Variants in KIRREL3 observed in about 807,000 individuals in gnomAD.
KIRREL3 encodes the protein kin of IRRE-like protein 3.
KIRREL3 carries 36 observed loss-of-function variants against 89.7 expected under a neutral mutation model. That is an observed-to-expected ratio of 0.40 (90% CI 0.31 to 0.53). The LOEUF (loss-of-function observed/expected upper bound fraction) is 0.53, where lower values mean the gene tolerates loss of function less well. Ranked by LOEUF, KIRREL3 falls within the 20% of genes least tolerant of loss-of-function variation. KIRREL3 has a pLI of 0.49. For missense variants in KIRREL3, 864 were observed against 1,056.6 expected (o/e 0.82, Z 2.53); for synonymous variants, 445 against 441.4 (o/e 1.01, Z -0.10).
At chr11:126,461,043 G>A (rs1956523339) in intron 6 of KIRREL3, among the ~76,000 whole-genome samples, 1 of 152,198 alleles carries the variant, frequency 6.6e-6, no homozygotes, top group South Asian at 2.1e-4. Flanking sequence ...TCCTGATTTG[G>A]ATTGCATCTG....
rs953370529 is a variant in KIRREL3, at chr11:126,610,290, G to A, written c.56-47378C>T. Among the ~76,000 whole-genome samples the A allele has an allele frequency of 6.6e-6, 1 of 152,094 alleles. No individual in the cohort carries two copies. Among genetic ancestry groups the A allele is most frequent in the Non-Finnish European group, 1.5e-5 (1 of 68,002 alleles). ...ATTTTTAATAGAGATGGGGGTTTCG[G>A]CATGTTCGTCAGGCTGGTCTTGAAC... On this transcript the variant is annotated intron_variant, in intron 1 of 16. Coordinates refer to ENST00000525144, the MANE Select transcript of KIRREL3 (RefSeq NM_032531.4). This position sits in a 1 kb window ranked among gnomAD's most constrained non-coding sequence, Gnocchi z 4.6.
chr11:126,838,146 G>T (rs1348820420), intron 1 of KIRREL3, among the ~76,000 whole-genome samples: 1 of 152,180 alleles, frequency 6.6e-6, no homozygotes, highest in Non-Finnish European at 1.5e-5. Context: ...GGAAAGGATT[G>T]TTAATATAAT....
intron 1 of KIRREL3, among the ~76,000 whole-genome samples, chr11:126,819,116 G>GAA (rs5795522): frequency 0.86 from 131,206 of 151,964 alleles, 56,994 homozygotes; most frequent in East Asian, 1. Flanking sequence ...CCAGCCCAGT[G>GAA]AAGAGGGTAG....
In KIRREL3 at chr11:126,445,034, C is replaced by G. The variant is rs1565456437; in HGVS notation, c.1197G>C (p.Arg399=). Reference sequence around the variant, plus strand: ...CGGCTCCCACACGGGGCACCACAGCCCGGCACACGTACTTGCCCGCGTCCT... The same window carrying G: ...CGGCTCCCACACGGGGCACCACAGCGCGGCACACGTACTTGCCCGCGTCCT... ...RQEDAGKYVC[R]AVVPRVGAGE... is the part of the protein sequence containing the mutation. The change falls in exon 10 of 17, where the codon CGG becomes CGC. Residue 399 remains arginine, a synonymous_variant. Transcript: ENST00000525144. 2 of 1,614,008 alleles carry G rather than the reference C, an allele frequency of 1.2e-6. No homozygotes were observed. Among genetic ancestry groups the G allele is most frequent in the East Asian group, 2.2e-5 (1 of 44,882 alleles).
At chr11:126,500,865 G>A (rs185552580) in intron 4 of KIRREL3, among the ~76,000 whole-genome samples, 186 of 152,266 alleles carry the variant, frequency 1.2e-3, no homozygotes, top group African/African-American at 4.2e-3. Flanking sequence ...AGACTAAGTG[G>A]GGAAATGCCA....
intron 1 of KIRREL3, among the ~76,000 whole-genome samples, chr11:126,673,149 C>T (rs184667977): frequency 4.6e-5 from 7 of 152,248 alleles, no homozygotes; most frequent in East Asian, 1.9e-4. Context: ...GGTTGTATTC[C>T]GCGAATGCAG....
chr11:126,536,107 A>G (rs2134473315), intron 2 of KIRREL3, among the ~76,000 whole-genome samples: 1 of 152,336 alleles, frequency 6.6e-6, no homozygotes, highest in Non-Finnish European at 1.5e-5. Context: ...GTGAGACTCC[A>G]TCTCAAAAAA....
At chr11:126,822,773 G>A (rs762617591) in intron 1 of KIRREL3, among the ~76,000 whole-genome samples, 1 of 152,164 alleles carries the variant, frequency 6.6e-6, no homozygotes, top group African/African-American at 2.4e-5. Context: ...GGCCGGAAGA[G>A]CCAGGGTCTG....
At chr11:126,680,836 C>A (rs534022784) in intron 1 of KIRREL3, among the ~76,000 whole-genome samples, 2 of 152,000 alleles carry the variant, frequency 1.3e-5, no homozygotes, top group South Asian at 2.1e-4. Flanking sequence ...GTATAATTAA[C>A]CATTCATCAA....
intron 1 of KIRREL3, among the ~76,000 whole-genome samples, chr11:126,945,467 A>T (rs527486623): frequency 6.6e-6 from 1 of 152,290 alleles, no homozygotes; most frequent in South Asian, 2.1e-4. Context: ...CACTGGAAGA[A>T]TGTGGCCTGG....
intron 4 of KIRREL3, among the ~76,000 whole-genome samples, chr11:126,481,967 T>G (rs548614989): frequency 6.6e-6 from 1 of 152,334 alleles, no homozygotes; most frequent in East Asian, 1.9e-4. Flanking sequence ...CCTCAATTCC[T>G]CCTTGTGGAT....
At chr11:126,784,165 C>A (rs1470956151) in intron 1 of KIRREL3, among the ~76,000 whole-genome samples, 1 of 152,078 alleles carries the variant, frequency 6.6e-6, no homozygotes, top group Non-Finnish European at 1.5e-5. Context: ...CTGGATGAGC[C>A]CCTGGGGCAG....
intron 5 of KIRREL3, among the ~76,000 whole-genome samples, chr11:126,467,986 C>T (rs1284773131): frequency 2.0e-5 from 3 of 152,158 alleles, no homozygotes; most frequent in Non-Finnish European, 4.4e-5. Context: ...CTCCAGAGCT[C>T]CTCTTAGCAA....
chr11:126,482,901 C>A (rs1449063365), intron 4 of KIRREL3, among the ~76,000 whole-genome samples: 1 of 152,250 alleles, frequency 6.6e-6, no homozygotes, highest in Non-Finnish European at 1.5e-5. Context: ...GAGCTCAGCC[C>A]AGATTGCTGA....
At position 126,485,430 on chromosome 11, in the gene KIRREL3, G is replaced by A. The variant is rs1231353671; in HGVS notation, c.434-11964C>T. Among the ~76,000 whole-genome samples the A allele has an allele frequency of 1.3e-5, 2 of 152,194 alleles. No individual in the cohort carries two copies. Among genetic ancestry groups the A allele is most frequent in the African/African-American group, 2.4e-5 (1 of 41,450 alleles). On this transcript the variant is annotated intron_variant, in intron 4 of 16. Coordinates refer to ENST00000525144, the MANE Select transcript of KIRREL3 (RefSeq NM_032531.4). This position sits in a 1 kb window ranked among gnomAD's most constrained non-coding sequence, Gnocchi z 5.8. ...GATAAGAAGGGAGGCCCTGAAGTCA[G>A]AGTGCCTGGCTGGGCTTCTGGCTCC... is the stretch of plus-strand genomic sequence containing the variant.
intron 4 of KIRREL3, among the ~76,000 whole-genome samples, chr11:126,510,495 G>A (rs1958187624): frequency 8.4e-6 from 1 of 118,892 alleles, no homozygotes; most frequent in Admixed American, 8.8e-5. Flanking sequence ...GGGTCTCACT[G>A]TTGACCAGAC....
rs1230010400 is a variant in KIRREL3, at chr11:126,557,891, C to T, written c.133+4944G>A. 6.6e-6 allele frequency among the ~76,000 whole-genome samples: 1 copy of T among 152,212 alleles called. No individual in the cohort carries two copies. ...TATTTATGGAACCAGCTTTCCCCTT[C>T]CTGGGTGCTCCAGCTCTTCCCACAC... On this transcript the variant is annotated intron_variant, in intron 2 of 16. Coordinates refer to ENST00000525144, the MANE Select transcript of KIRREL3 (RefSeq NM_032531.4). The surrounding 1 kb of genome is among the most constrained non-coding windows in gnomAD (Gnocchi z 5.6).
At chr11:126,488,626 G>C (rs570788844) in intron 4 of KIRREL3, among the ~76,000 whole-genome samples, 2 of 152,218 alleles carry the variant, frequency 1.3e-5, no homozygotes, top group African/African-American at 4.8e-5. Flanking sequence ...GGAAGGAGCC[G>C]CGGCTTCCAG....
rs1421799571 is a variant in KIRREL3 at position 126,997,105 on chromosome 11, C to T, written c.55+3350G>A. Among the ~76,000 whole-genome samples the T allele has an allele frequency of 6.6e-6, 1 of 152,174 alleles. No individual in the cohort carries two copies. Among genetic ancestry groups the T allele is most frequent in the Non-Finnish European group, 1.5e-5 (1 of 68,036 alleles). ...TAGGACCTTATTCCCTCCAAGCTAC[C>T]TAAGCTGTGCATGTGCAGGCTGGAT... On this transcript the variant is annotated intron_variant, in intron 1 of 16. Transcript: ENST00000525144. The surrounding 1 kb of genome is among the most constrained non-coding windows in gnomAD (Gnocchi z 4.3).
Sources: gnomAD v4.1 joint callset for allele counts (sites outside exome capture counted in the v4.1 genomes callset) on GRCh38, gnomAD v4.1.1 for gene constraint, Gnocchi (gnomAD v3.1) non-coding constraint, MANE v1.5 for transcripts, NCBI Gene and HGNC (gene_info 2026-07-23, HGNC 2026-07-21) for gene names.